ANO5: variants seen among roughly 807,000 people sequenced by gnomAD.
ANO5 encodes the protein anoctamin 5, also known as anoctamin-5.
Under a neutral mutation model 121.0 loss-of-function variants are expected in ANO5, and 109 were observed. That is an observed-to-expected ratio of 0.90 (90% CI 0.77 to 1.06). The LOEUF is 1.06. Ranked by LOEUF, ANO5 falls within the 50% of genes least tolerant of loss-of-function variation. The pLI, the probability that ANO5 is intolerant of heterozygous loss-of-function variation, is 0.00. For synonymous variants in ANO5, 406 were observed against 359.9 expected (o/e 1.13, Z -1.45); for missense variants, 1,064 against 1,078.5 (o/e 0.99, Z 0.19).
chr11:22,226,952 A>C (rs1004130930), intron 6 of ANO5, among the ~76,000 whole-genome samples: 9 of 152,122 alleles, frequency 5.9e-5, no homozygotes, highest in African/African-American at 2.4e-5. Flanking sequence ...CTAGTTACTA[A>C]AAACTTAAGA....
intron 7 of ANO5, among the ~76,000 whole-genome samples, chr11:22,229,037 T>C (rs755640212): frequency 1.3e-5 from 2 of 151,912 alleles, no homozygotes; most frequent in Admixed American, 6.6e-5. Flanking sequence ...CTATATTTAA[T>C]TTTTTGAGGA....
At chr11:22,269,119 A>AAGAAAGGAAAGGAAAGGAAGGG (rs1355745078) in intron 17 of ANO5, among the ~76,000 whole-genome samples, 9 of 149,008 alleles carry the variant, frequency 6.0e-5, no homozygotes, top group Admixed American at 4.0e-4. Context: ...GGAGGGATTA[A>AAGAAAGGAAAGGAAAGGAAGGG]AGAAAGGAAA....
chr11:22,221,973 C>A (rs1852667671), intron 5 of ANO5, among the ~76,000 whole-genome samples: 1 of 151,998 alleles, frequency 6.6e-6, no homozygotes, highest in South Asian at 2.1e-4. Flanking sequence ...GGAAAGCCTT[C>A]TACCAGGCCT....
At position 22,262,002 on chromosome 11, in the gene ANO5, C is replaced by T. The variant is rs7939120; in HGVS notation, c.1631-127C>T. On this transcript the variant is annotated intron_variant, in intron 15 of 21. Transcript: ENST00000324559. ...TAGTTACTTAATATTGGCCTACTAT[C>T]GCCAGAATGGGGAGCATTCTATAGG... The T allele has an allele frequency of 5.8e-3, 4,779 of 830,394 alleles. 177 individuals are homozygous for T. In the African/African-American group the frequency reaches 0.072, roughly 13 times the overall value. The allele number at this position is 830,394 out of a possible 1,614,324, so 51.4% of individuals were successfully genotyped here.
chr11:22,226,176 T>C (rs1002442178), intron 6 of ANO5, 124 bp downstream of exon 6: 2 of 766,170 alleles, frequency 2.6e-6, no homozygotes, highest in Non-Finnish European at 2.3e-6. Flanking sequence ...GCTACAGATA[T>C]GTGCACCGGG....
intron 2 of ANO5, 98 bp from the exon 3 acceptor site, chr11:22,211,166 T>G: frequency 7.8e-7 from 1 of 1,282,318 alleles, no homozygotes. Context: ...TAAGTGTTTC[T>G]GCATAGAGAT....
At chr11:22,261,967 C>T (rs1854201390) in intron 15 of ANO5, among the ~76,000 whole-genome samples, 162 bp from the exon 16 acceptor site, 1 of 152,140 alleles carries the variant, frequency 6.6e-6, no homozygotes, top group African/African-American at 2.4e-5. Flanking sequence ...GAAAGTCTAG[C>T]ACAAATCCAT....
intron 10 of ANO5, 74 bp from the exon 11 acceptor site, chr11:22,250,667 G>A (rs555433830): frequency 7.1e-7 from 1 of 1,417,216 alleles, no homozygotes; most frequent in Non-Finnish European, 1.0e-6. Context: ...ATAAGTAGTT[G>A]TTCTAATAAG....
At chr11:22,212,719 CAT>C (rs1235536721) in intron 3 of ANO5, among the ~76,000 whole-genome samples, 1 of 151,756 alleles carries the variant, frequency 6.6e-6, no homozygotes, top group Non-Finnish European at 1.5e-5. Context: ...TTTCTCACAA[CAT>C]GTGTGAGATA....
At chr11:22,272,635 A>T in intron 18 of ANO5, 149 bp from the exon 19 acceptor site, 3 of 730,852 alleles carry the variant, frequency 4.1e-6, no homozygotes, top group Non-Finnish European at 7.0e-6. Context: ...CTCCTGTGGT[A>T]GAGGAGGAAC....
chr11:22,269,619 A>G (rs931147610), intron 17 of ANO5, among the ~76,000 whole-genome samples: 3 of 152,048 alleles, frequency 2.0e-5, no homozygotes, highest in Admixed American at 6.5e-5. Flanking sequence ...GGATTTTAGT[A>G]GATATTTCTG....
At chr11:22,237,484 G>T (rs935728854) in intron 8 of ANO5, among the ~76,000 whole-genome samples, 3 of 152,028 alleles carry the variant, frequency 2.0e-5, no homozygotes, top group Non-Finnish European at 2.9e-5. Flanking sequence ...TCCGTCTCCC[G>T]GGTTCAAGCA....
intron 9 of ANO5, among the ~76,000 whole-genome samples, chr11:22,241,189 C>T (rs976715576): frequency 5.9e-4 from 12 of 20,360 alleles, no homozygotes; most frequent in South Asian, 2.7e-3. Context: ...CACACTACCT[C>T]CTCTAGTGTA....
At chr11:22,253,632 A>G (rs1853899404) in intron 12 of ANO5, among the ~76,000 whole-genome samples, 1 of 152,198 alleles carries the variant, frequency 6.6e-6, no homozygotes, top group African/African-American at 2.4e-5. Flanking sequence ...TAATGAAATG[A>G]GTAGAGTAGA....
chr11:22,255,564 A>T (rs768609528), intron 13 of ANO5, 42 bp downstream of exon 13: 7 of 1,602,288 alleles, frequency 4.4e-6, no homozygotes, highest in Non-Finnish European at 5.1e-6. Context: ...ATCTCAATGG[A>T]CACACTGCTA....
rs1855135094 is a variant in ANO5 at position 22,283,026 on chromosome 11, GTAA to G, written c.*3266_*3268del. On this transcript the variant is annotated 3_prime_UTR_variant, in exon 22 of 22. Coordinates refer to ENST00000324559, the MANE Select transcript of ANO5 (RefSeq NM_213599.3). ...AATTTTGACTCTTCTACTTTTATGTGTAATAATTCCAGTATTCTATTTATTTCA... is the reference window on the plus strand; with the variant it reads ...AATTTTGACTCTTCTACTTTTATGTGTAATTCCAGTATTCTATTTATTTCA... The G allele has an allele frequency of 6.6e-6, 1 of 152,104 alleles. No individual in the cohort carries two copies. The highest frequency in any genetic ancestry group is 6.5e-5 in the Admixed American group (1 of 15,268). The allele number at this position is 152,104 out of a possible 1,614,324, so 9.4% of individuals were successfully genotyped here. A position where few individuals can be genotyped will look rare whatever the true frequency, so the allele number is the denominator to read the frequency against.
intron 17 of ANO5, among the ~76,000 whole-genome samples, chr11:22,268,658 A>G (rs1021767039): frequency 6.6e-6 from 1 of 152,132 alleles, no homozygotes; most frequent in African/African-American, 2.4e-5. Context: ...CTTGAATGTG[A>G]TCATGCAAGT....
intron 7 of ANO5, among the ~76,000 whole-genome samples, chr11:22,235,429 G>A (rs1853181829): frequency 6.6e-6 from 1 of 151,998 alleles, no homozygotes; most frequent in African/African-American, 2.4e-5. Flanking sequence ...TTTAGATGAT[G>A]ATGATTCAAG....
At chr11:22,198,660 C>G (rs1205862814) in intron 1 of ANO5, among the ~76,000 whole-genome samples, 1 of 152,080 alleles carries the variant, frequency 6.6e-6, no homozygotes, top group African/African-American at 2.4e-5. Flanking sequence ...ACTCTTTAAA[C>G]CTAGCTTAAG....
Sources: allele counts gnomAD v4.1 joint callset (sites outside exome capture counted in the v4.1 genomes callset), GRCh38; gene constraint gnomAD v4.1.1; transcripts MANE v1.5; gene names NCBI Gene and HGNC (gene_info 2026-07-23, HGNC 2026-07-21).